The following RBFOX1 variants were observed in gnomAD, a reference collection of about 807,000 sequenced individuals.
The protein encoded by RBFOX1 is RNA binding fox-1 homolog 1.
Under a neutral mutation model 57.7 loss-of-function variants are expected in RBFOX1, and 8 were observed. That is an observed-to-expected ratio of 0.14 (90% CI 0.08 to 0.25). The LOEUF (loss-of-function observed/expected upper bound fraction) is 0.25. Among genes scored for constraint, RBFOX1 ranks in the 10% least tolerant of loss-of-function variants. The pLI is 1.00. For synonymous variants in RBFOX1, 326 were observed against 222.4 expected, an observed-to-expected ratio of 1.47 and a Z score of -4.15; for missense variants, 611 against 548.5, an observed-to-expected ratio of 1.11 and a Z score of -1.14.
intron 3 of RBFOX1, among the ~76,000 whole-genome samples, chr16:6,995,885 C>A (rs1361998514): frequency 6.6e-6 from 1 of 152,212 alleles, no homozygotes; most frequent in African/African-American, 2.4e-5. Context: ...CTGCATCCTC[C>A]TATGTTTGAA....
chr16:6,823,410 C>A (rs1340801945), intron 3 of RBFOX1, among the ~76,000 whole-genome samples: 1 of 152,092 alleles, frequency 6.6e-6, no homozygotes, highest in Non-Finnish European at 1.5e-5. Context: ...ATGTGCGCCA[C>A]CACACCTGGC....
At chr16:7,512,638 A>G (rs1388395495) in intron 4 of RBFOX1, among the ~76,000 whole-genome samples, 1 of 152,174 alleles carries the variant, frequency 6.6e-6, no homozygotes, top group Non-Finnish European at 1.5e-5. Flanking sequence ...CTCAGTCCCT[A>G]GAGCATGGTG....
At chr16:7,226,297 G>A (rs894110746) in intron 4 of RBFOX1, among the ~76,000 whole-genome samples, 4 of 152,142 alleles carry the variant, frequency 2.6e-5, no homozygotes, top group African/African-American at 7.2e-5. Flanking sequence ...TACAAGCTAC[G>A]GAGTTCTCTG....
At chr16:7,159,905 G>A (rs1221523563) in intron 4 of RBFOX1, among the ~76,000 whole-genome samples, 1 of 152,148 alleles carries the variant, frequency 6.6e-6, no homozygotes, top group Non-Finnish European at 1.5e-5. Flanking sequence ...GCTAATATAG[G>A]CACCAGATGA....
intron 3 of RBFOX1, among the ~76,000 whole-genome samples, chr16:5,772,095 C>T (rs567896752): frequency 7.9e-5 from 12 of 152,240 alleles, no homozygotes; most frequent in African/African-American, 2.6e-4. Flanking sequence ...TCACTTGAAC[C>T]TGGGAGGCGG....
At chr16:5,568,923 C>T (rs1255187249) in intron 2 of RBFOX1, among the ~76,000 whole-genome samples, 2 of 152,164 alleles carry the variant, frequency 1.3e-5, no homozygotes, top group Non-Finnish European at 2.9e-5. Context: ...TCACTGCAAC[C>T]TCCGCCCGCT....
At chr16:7,009,724 C>T (rs1466132555) in intron 3 of RBFOX1, among the ~76,000 whole-genome samples, 1 of 152,132 alleles carries the variant, frequency 6.6e-6, no homozygotes, top group Non-Finnish European at 1.5e-5. Flanking sequence ...ACCTAATCAG[C>T]CTGATACCAC....
Position 7,651,489 on chromosome 16 carries a change from C to T in RBFOX1, c.758-2326C>T, listed in dbSNP as rs184494230. 5.6e-3 allele frequency among the ~76,000 whole-genome samples: 848 copies of T among 152,290 alleles called. 7 individuals carry two copies. Among genetic ancestry groups the T allele is most frequent in the Non-Finnish European group, 9.1e-3 (617 of 68,030 alleles). ...GTGAGGCTTCTCATGCACATTTTTT[C>T]CTTCCAATTCTTTTGCCTTTTGCTC... On this transcript the variant is annotated intron_variant, in intron 11 of 15. Coordinates refer to ENST00000550418, the MANE Select transcript of RBFOX1 (RefSeq NM_018723.4).
chr16:5,530,607 T>C (rs2044428502), intron 2 of RBFOX1, among the ~76,000 whole-genome samples: 1 of 152,200 alleles, frequency 6.6e-6, no homozygotes, highest in Non-Finnish European at 1.5e-5. Context: ...TGGGGTGATA[T>C]TCTGTGCATT....
chr16:5,688,785 G>A (rs1012650081), intron 3 of RBFOX1, among the ~76,000 whole-genome samples: 1 of 152,222 alleles, frequency 6.6e-6, no homozygotes, highest in Admixed American at 6.5e-5. Context: ...GGCATTCCAA[G>A]TAACTTGAGA....
At chr16:5,512,418 TTC>T (rs201793017) in intron 2 of RBFOX1, among the ~76,000 whole-genome samples, 4 of 129,346 alleles carry the variant, frequency 3.1e-5, no homozygotes, top group Admixed American at 7.1e-5. Flanking sequence ...TCCTCTCTCT[TTC>T]TCTCTCTCTC....
At chr16:6,350,860 C>A (rs1315184604) in intron 2 of RBFOX1, among the ~76,000 whole-genome samples, 1 of 152,132 alleles carries the variant, frequency 6.6e-6, no homozygotes, top group Non-Finnish European at 1.5e-5. Flanking sequence ...GGGATTTGAA[C>A]CAGGGTCTGA....
chr16:5,706,249 T>G (rs922582840), intron 3 of RBFOX1, among the ~76,000 whole-genome samples: 1 of 152,202 alleles, frequency 6.6e-6, no homozygotes, highest in African/African-American at 2.4e-5. Context: ...CTTAGAACAT[T>G]CCGAAAGTTA....
intron 1 of RBFOX1, among the ~76,000 whole-genome samples, chr16:6,212,420 C>A (rs1258628135): frequency 6.6e-6 from 1 of 150,988 alleles, no homozygotes; most frequent in Non-Finnish European, 1.5e-5. Context: ...AAGCATATAT[C>A]CACGGCTGGG....
chr16:5,998,145 C>A (rs915410217), intron 4 of RBFOX1, among the ~76,000 whole-genome samples: 1 of 152,148 alleles, frequency 6.6e-6, no homozygotes, highest in Non-Finnish European at 1.5e-5. Context: ...CCTACCAAGT[C>A]CCTGTACGAA....
At chr16:5,647,707 C>A (rs570420923) in intron 3 of RBFOX1, among the ~76,000 whole-genome samples, 2 of 152,272 alleles carry the variant, frequency 1.3e-5, no homozygotes, top group Admixed American at 6.5e-5. Context: ...ACAATAAGAA[C>A]CTGCAACGCC....
chr16:6,158,574 G>T (rs889841173), intron 1 of RBFOX1, among the ~76,000 whole-genome samples: 5 of 152,158 alleles, frequency 3.3e-5, no homozygotes, highest in African/African-American at 1.2e-4. Context: ...AAATGGAGTG[G>T]TGTTTTTTAG....
At chr16:6,387,243 C>G (rs2092342088) in intron 2 of RBFOX1, among the ~76,000 whole-genome samples, 1 of 152,162 alleles carries the variant, frequency 6.6e-6, no homozygotes, top group African/African-American at 2.4e-5. Flanking sequence ...TCACTCACCT[C>G]CTGTAAGCAT....
chr16:6,925,573 A>C (rs1009940189), intron 3 of RBFOX1, among the ~76,000 whole-genome samples: 1 of 151,998 alleles, frequency 6.6e-6, no homozygotes, highest in Non-Finnish European at 1.5e-5. Flanking sequence ...TCTAGCATTA[A>C]GACTAGTTGG....
Sources: gnomAD v4.1 joint callset for allele counts (sites outside exome capture counted in the v4.1 genomes callset) on GRCh38, gnomAD v4.1.1 for gene constraint, MANE v1.5 for transcripts, NCBI Gene and HGNC (gene_info 2026-07-23, HGNC 2026-07-21) for gene names.